The following CORO7 variants were observed in gnomAD, a reference collection of about 807,000 sequenced individuals.
CORO7 encodes coronin-7.
Under a neutral mutation model 126.6 loss-of-function variants are expected in CORO7, and 107 were observed. That is an observed-to-expected ratio of 0.85 (90% CI 0.72 to 0.99). The LOEUF (loss-of-function observed/expected upper bound fraction) is 0.99. CORO7 is among the 50% of genes least tolerant of loss of function. CORO7 has a pLI of 0.00. For missense variants in CORO7, 1,314 were observed against 1,255.8 expected (o/e 1.05, Z -0.70); for synonymous variants, 603 against 536.8 (o/e 1.12, Z -1.70).
intron 6 of CORO7, among the ~76,000 whole-genome samples, chr16:4,403,260 A>G (rs1191964529): frequency 6.6e-6 from 1 of 152,148 alleles, no homozygotes; most frequent in East Asian, 1.9e-4. Flanking sequence ...TACCACAGTC[A>G]GGCCGCCCCC....
chr16:4,358,425 C>T lies in CORO7; in HGVS notation c.2399G>A (p.Cys800Tyr). The change falls in exon 24 of 28, where the codon TGC becomes TAC. Residue 800 changes from cysteine (C) to tyrosine (Y), a missense_variant. Cys to Tyr is a radical substitution (Grantham distance 194, BLOSUM62 -2). Coordinates refer to ENST00000251166, the MANE Select transcript of CORO7 (RefSeq NM_024535.5). ...CDVREVELMR[C>Y]LRLRQSSLEP... The stretch of plus-strand genomic sequence containing the variant: ...CAGGGAGGACTGACGCAGCCGCAGG[C>T]ACCGCATCAGCTCCACTTCCCGCAC... 6.2e-7 allele frequency: 1 copy of T among 1,612,450 alleles called. No individual in the cohort carries two copies. The highest frequency in any genetic ancestry group is 1.1e-5 in the South Asian group (1 of 91,040).
chr16:4,359,532 G>T lies in CORO7; in HGVS notation c.2198C>A (p.Thr733Asn), dbSNP rs760891363. 8.7e-6 allele frequency: 14 copies of T among 1,613,242 alleles called. No individual in the cohort carries two copies. Among genetic ancestry groups the T allele is most frequent in the Non-Finnish European group, 1.2e-5 (14 of 1,179,932 alleles). The part of the protein sequence containing the change: ...AVLGLDVAPS[T>N]LLPSYDPDTG... ...GTCTGGGTCGTAGCTGGGCAGCAGG[G>T]TTGAGGGAGCCACGTCCAGGCCCAA... Residue 733 changes from threonine (T) to asparagine (N), a missense_variant, in exon 22 of 28, where the codon ACC becomes AAC. Thr to Asn is a moderately conservative substitution (Grantham distance 65). Transcript: ENST00000251166.
Position 4,361,379 on chromosome 16 carries a change from G to C in CORO7, c.1669C>G (p.Pro557Ala). 1.2e-6 allele frequency: 2 copies of C among 1,612,338 alleles called. No homozygotes were observed. The highest frequency in any genetic ancestry group is 1.7e-6 in the Non-Finnish European group (2 of 1,179,744). Residue 557 changes from proline (P) to alanine (A), a missense_variant, in exon 17 of 28, where the codon CCC becomes GCC. Transcript: ENST00000251166. ...TCCTTACCCACAGCGAGGCGATGGG[G>C]GTCAAAGGGGTCCCAGGCCAGATCA... is the stretch of plus-strand genomic sequence containing the variant. ...VTDLAWDPFD[P>A]HRLAVAGEDA... is the part of the protein sequence containing the mutation.
At position 4,388,064 on chromosome 16, in the gene CORO7, C is replaced by T. The variant is rs762249901; in HGVS notation, c.707G>A (p.Arg236His). ...GTCCCACAGCTTCACTTCGCGCTCA[C>T]GCATCTGCAGGGAGGGCGAGAGAGG... Reference protein sequence around the residue: ...HLVSTGFNQMREREVKLWDTR... With the variant: ...HLVSTGFNQMHEREVKLWDTR... The change falls in exon 9 of 28, where the codon CGT (arginine) becomes CAT (histidine). Residue 236 changes from arginine to histidine, a missense_variant. Transcript: ENST00000251166. 3.1e-5 allele frequency: 50 copies of T among 1,612,088 alleles called. No individual in the cohort carries two copies. In the South Asian group the frequency reaches 4.4e-4, roughly 14 times the overall value.
At chr16:4,378,292 T>C (rs1263331143) in intron 9 of CORO7, among the ~76,000 whole-genome samples, 1 of 151,926 alleles carries the variant, frequency 6.6e-6, no homozygotes, top group Non-Finnish European at 1.5e-5. Context: ...GTGAGCGCTC[T>C]TAACTGTGAC....
chr16:4,413,420 A>T lies in CORO7; in HGVS notation c.61-16T>A, dbSNP rs780031329. ...TGATCCAGGACTGAAAATCAAGAGT[A>T]AAGAAGTATGTGGTGAGAGCCAGGG... On this transcript the variant is annotated splice_polypyrimidine_tract_variant and intron_variant, in intron 1 of 27. Transcript: ENST00000251166. 6.4e-7 allele frequency: 1 copy of T among 1,558,264 alleles called. No individual in the cohort carries two copies. The highest frequency in any genetic ancestry group is 1.2e-5 in the South Asian group (1 of 84,660).
chr16:4,408,346 C>T, intron 3 of CORO7, 95 bp from the exon 4 acceptor site: 1 of 1,542,436 alleles, frequency 6.5e-7, no homozygotes. Context: ...CTTTTGTGTG[C>T]ACACAGAAAC....
At chr16:4,369,811 G>C (rs1030033108) in intron 9 of CORO7, among the ~76,000 whole-genome samples, 1 of 152,156 alleles carries the variant, frequency 6.6e-6, no homozygotes, top group South Asian at 2.1e-4. Context: ...CTATCACCCA[G>C]GCTGGAGAGT....
chr16:4,404,642 T>G (rs1186919825), intron 6 of CORO7, among the ~76,000 whole-genome samples: 1 of 151,992 alleles, frequency 6.6e-6, no homozygotes, highest in Non-Finnish European at 1.5e-5. Flanking sequence ...TAGCGCCCCC[T>G]CTCTGCCACA....
chr16:4,366,102 C>A (rs999756088), intron 9 of CORO7, among the ~76,000 whole-genome samples: 3 of 152,216 alleles, frequency 2.0e-5, no homozygotes, highest in Admixed American at 2.0e-4. Context: ...GAGACCCCCC[C>A]ATGCTGAGTT....
At chr16:4,381,809 C>A in intron 9 of CORO7, 2 of 1,600,448 alleles carry the variant, frequency 1.2e-6, no homozygotes, top group Non-Finnish European at 1.7e-6. Context: ...TGGTTTGGCC[C>A]CTGGGTGCGC....
rs1004210101 is a variant in CORO7 at position 4,364,695 on chromosome 16, C to T, written c.1045-6G>A. 6.3e-6 allele frequency: 10 copies of T among 1,583,936 alleles called. No homozygotes were observed. Among genetic ancestry groups the T allele is most frequent in the African/African-American group, 2.7e-5 (2 of 74,468 alleles). The stretch of plus-strand genomic sequence containing the variant: ...TCCTCGTGGAACTCCACAGCCTGGC[C>T]GCAGACAAGCAGGCAGCTAGTGAGG... On this transcript the variant is annotated splice_polypyrimidine_tract_variant and splice_region_variant and intron_variant, in intron 12 of 27. Coordinates refer to ENST00000251166, the MANE Select transcript of CORO7 (RefSeq NM_024535.5).
Position 4,358,034 on chromosome 16 carries a change from C to A in CORO7, c.2527G>T (p.Ala843Ser). 1.2e-6 allele frequency: 2 copies of A among 1,613,460 alleles called. No homozygotes were observed. Among genetic ancestry groups the A allele is most frequent in the Non-Finnish European group, 1.7e-6 (2 of 1,179,760 alleles). The part of the protein sequence containing the change: ...VIWEPVLSAE[A>S]WLQGANGQPW... ...TGCCCATTAGCGCCTTGCAGCCAGG[C>A]CTCGGCACTGAGCACAGGCTCCCAG... Residue 843 changes from alanine to serine, a missense_variant, in exon 25 of 28, where the codon GCC (alanine) becomes TCC (serine). Coordinates refer to ENST00000251166, the MANE Select transcript of CORO7 (RefSeq NM_024535.5).
At position 4,364,353 on chromosome 16, in the gene CORO7, C is replaced by A; in HGVS notation, c.1198G>T (p.Val400Leu). ...RPHPSFTSCL[V>L]PPAEPLPDTA... is the part of the protein sequence containing the mutation. Reference sequence around the variant, plus strand: ...TCAGGGAGGGGCTCCGCAGGGGGCACCAGACAGGAAGTGAAGCTCGGGTGG... The same window carrying A: ...TCAGGGAGGGGCTCCGCAGGGGGCAACAGACAGGAAGTGAAGCTCGGGTGG... The change falls in exon 14 of 28, where the codon GTG (valine) becomes TTG (leucine). Residue 400 changes from valine to leucine, a missense_variant. Val to Leu is a conservative substitution (Grantham distance 32). Transcript: ENST00000251166. 6.6e-7 allele frequency: 1 copy of A among 1,526,494 alleles called. No homozygotes were observed. The allele number at this position is 1,526,494 out of a possible 1,614,324, so 94.6% of individuals were successfully genotyped here.
At chr16:4,400,471 T>G (rs1330389157) in intron 6 of CORO7, among the ~76,000 whole-genome samples, 1 of 152,068 alleles carries the variant, frequency 6.6e-6, no homozygotes, top group Non-Finnish European at 1.5e-5. Context: ...CCGTCTCTAC[T>G]AAAAATACAA....
At chr16:4,392,362 G>A (rs1359781179) in intron 7 of CORO7, among the ~76,000 whole-genome samples, 1 of 152,160 alleles carries the variant, frequency 6.6e-6, no homozygotes, top group Non-Finnish European at 1.5e-5. Flanking sequence ...TCCGACTCTC[G>A]GGGTCTGCAC....
intron 9 of CORO7, among the ~76,000 whole-genome samples, chr16:4,371,337 G>T (rs916724582): frequency 1.3e-5 from 2 of 152,216 alleles, no homozygotes; most frequent in Non-Finnish European, 2.9e-5. Context: ...GGGCTGCCAG[G>T]AGTTTTTTGA....
intron 1 of CORO7, 110 bp downstream of exon 1, chr16:4,416,349 T>G (rs2056411365): frequency 7.5e-7 from 1 of 1,337,366 alleles, no homozygotes; most frequent in Admixed American, 3.9e-5. Flanking sequence ...GGGATGGAGG[T>G]CTCGGGGTTC....
At chr16:4,386,259 C>T (rs2055190423) in intron 9 of CORO7, among the ~76,000 whole-genome samples, 1 of 152,218 alleles carries the variant, frequency 6.6e-6, no homozygotes, top group Admixed American at 6.5e-5. Flanking sequence ...GTGGTAATTA[C>T]AGGGTCAGCC....
Sources: allele counts gnomAD v4.1 joint callset (sites outside exome capture counted in the v4.1 genomes callset), GRCh38; gene constraint gnomAD v4.1.1; transcripts MANE v1.5; gene names NCBI Gene and HGNC (gene_info 2026-07-23, HGNC 2026-07-21).